The following MARCHF11 variants were observed in gnomAD, a reference collection of about 807,000 sequenced individuals.
The protein encoded by MARCHF11 is E3 ubiquitin-protein ligase MARCHF11.
A neutral mutation model predicts 37.3 loss-of-function variants in MARCHF11; 29 were observed. The ratio of observed to expected loss-of-function variants is 0.78; its 90% CI spans 0.58 to 1.06. The LOEUF is 1.06. Among genes scored for constraint, MARCHF11 ranks in the 50% least tolerant of loss-of-function variants. MARCHF11 has a pLI of 0.00. For missense variants in MARCHF11, 482 were observed against 533.4 expected (o/e 0.90, Z 0.95); for synonymous variants, 233 against 228.0 (o/e 1.02, Z -0.20).
intron 2 of MARCHF11, among the ~76,000 whole-genome samples, chr5:16,157,175 G>GA (rs146779064): frequency 0.031 from 4,624 of 149,966 alleles, 242 homozygotes; most frequent in African/African-American, 0.11. Flanking sequence ...GAAAACTACA[G>GA]ACATTGATAA....
intron 2 of MARCHF11, among the ~76,000 whole-genome samples, chr5:16,136,237 G>T (rs933438205): frequency 1.3e-5 from 2 of 151,782 alleles, no homozygotes; most frequent in South Asian, 4.1e-4. Context: ...TGTAATTCAA[G>T]AAAATGTTTG....
intron 3 of MARCHF11, among the ~76,000 whole-genome samples, chr5:16,085,243 G>T (rs1736675754): frequency 6.6e-6 from 1 of 151,980 alleles, no homozygotes; most frequent in African/African-American, 2.4e-5. Flanking sequence ...CCTAAAGTGT[G>T]CTGAAGAAGG....
At chr5:16,101,293 G>A (rs532722704) in intron 2 of MARCHF11, among the ~76,000 whole-genome samples, 8 of 152,158 alleles carry the variant, frequency 5.3e-5, no homozygotes, top group African/African-American at 1.7e-4. Context: ...GGAGAGTGGC[G>A]TGAACCCCGG....
At position 16,067,289 on chromosome 5, in the gene MARCHF11, A is replaced by T; in HGVS notation, c.*182T>A. The T allele has an allele frequency of 1.8e-6, 1 of 545,458 alleles. No homozygotes were observed. The allele number at this position is 545,458 out of a possible 1,614,324, so 33.8% of individuals were successfully genotyped here. On this transcript the variant is annotated 3_prime_UTR_variant, in exon 4 of 4. Coordinates refer to ENST00000332432, the MANE Select transcript of MARCHF11 (RefSeq NM_001102562.3). ...TATAAAAGATGTGACAAACCAGACA[A>T]CGAAGAACAAGAGGACTCTTTTTCT...
intron 1 of MARCHF11, among the ~76,000 whole-genome samples, chr5:16,178,520 A>G (rs1738402924): frequency 6.6e-6 from 1 of 152,226 alleles, no homozygotes; most frequent in Non-Finnish European, 1.5e-5. Flanking sequence ...TTGGCATAAT[A>G]GCCTTTCTTT....
At chr5:16,119,509 T>C (rs1305934241) in intron 2 of MARCHF11, among the ~76,000 whole-genome samples, 1 of 152,042 alleles carries the variant, frequency 6.6e-6, no homozygotes, top group African/African-American at 2.4e-5. Context: ...ATCTGGTACC[T>C]CCAGATGCCT....
chr5:16,123,864 G>T (rs895635663), intron 2 of MARCHF11, among the ~76,000 whole-genome samples: 11 of 152,018 alleles, frequency 7.2e-5, no homozygotes, highest in Non-Finnish European at 1.5e-5. Flanking sequence ...TAATTAATAG[G>T]TATAGAGACC....
At chr5:16,074,604 A>T in intron 3 of MARCHF11, among the ~76,000 whole-genome samples, 1 of 152,214 alleles carries the variant, frequency 6.6e-6, no homozygotes, top group East Asian at 1.9e-4. Context: ...TCACAGAACC[A>T]GGTTGAGAAT....
At chr5:16,109,462 G>A (rs868050413) in intron 2 of MARCHF11, among the ~76,000 whole-genome samples, 4 of 152,330 alleles carry the variant, frequency 2.6e-5, no homozygotes, top group African/African-American at 7.2e-5. Flanking sequence ...GTGGGTGAAC[G>A]CATGGAGCTG....
intron 2 of MARCHF11, among the ~76,000 whole-genome samples, chr5:16,121,141 C>A (rs1440340950): frequency 6.6e-6 from 1 of 152,174 alleles, no homozygotes. Flanking sequence ...ACACAGACAG[C>A]CAACATGTAT....
rs1365938417 is a variant in MARCHF11, at chr5:16,150,820, T to C, written c.693+26906A>G. Among the ~76,000 whole-genome samples, 9 of 152,044 alleles carry C rather than the reference T, an allele frequency of 5.9e-5. 1 individual carries two copies. The highest frequency in any genetic ancestry group is 3.2e-3 in the Middle Eastern group (1 of 316). On this transcript the variant is annotated intron_variant, in intron 2 of 3. Transcript: ENST00000332432. ...ATGAGCTTTTATTCTATAAGCTTCT[T>C]GAGTCCATAACTTATATTAATTCTG... is the stretch of plus-strand genomic sequence containing the variant.
intron 3 of MARCHF11, among the ~76,000 whole-genome samples, chr5:16,079,216 A>G (rs1403039600): frequency 6.6e-6 from 1 of 152,038 alleles, no homozygotes; most frequent in East Asian, 1.9e-4. Flanking sequence ...AACCATTCCA[A>G]TTCCAAGCTC....
At chr5:16,094,349 A>G (rs1014909663) in intron 2 of MARCHF11, among the ~76,000 whole-genome samples, 20 of 152,204 alleles carry the variant, frequency 1.3e-4, no homozygotes, top group African/African-American at 4.8e-4. Context: ...TAAAAGTAGA[A>G]AATAAGTCTC....
chr5:16,172,863 C>G (rs1029826978), intron 2 of MARCHF11, among the ~76,000 whole-genome samples: 1 of 152,180 alleles, frequency 6.6e-6, no homozygotes, highest in Non-Finnish European at 1.5e-5. Context: ...CTAAGAAGGA[C>G]AGCCAAATAA....
At chr5:16,130,207 T>G (rs1737491944) in intron 2 of MARCHF11, among the ~76,000 whole-genome samples, 1 of 151,814 alleles carries the variant, frequency 6.6e-6, no homozygotes, top group South Asian at 2.1e-4. Flanking sequence ...TAACAATTCA[T>G]AGTAACTCTT....
rs151014315 is a variant in MARCHF11, at chr5:16,106,505, T to C, written c.694-15424A>G. Among the ~76,000 whole-genome samples the C allele has an allele frequency of 6.1e-3, 934 of 152,288 alleles. 11 individuals carry two copies. Among genetic ancestry groups the C allele is most frequent in the Non-Finnish European group, 4.8e-3 (327 of 68,026 alleles). On this transcript the variant is annotated intron_variant, in intron 2 of 3. Coordinates refer to ENST00000332432, the MANE Select transcript of MARCHF11 (RefSeq NM_001102562.3). ...TGGTAGCATCAGAACACAAGACACATTGGGCCCATGCATGAAGCGTGGTTT... is the reference window on the plus strand; with the variant it reads ...TGGTAGCATCAGAACACAAGACACACTGGGCCCATGCATGAAGCGTGGTTT...
intron 2 of MARCHF11, among the ~76,000 whole-genome samples, chr5:16,145,746 A>AC (rs991911630): frequency 9.9e-5 from 15 of 152,034 alleles, no homozygotes. Context: ...TTTATGAAAA[A>AC]AAAATACAAA....
intron 2 of MARCHF11, among the ~76,000 whole-genome samples, chr5:16,112,140 C>A (rs1418479796): frequency 6.6e-6 from 1 of 152,162 alleles, no homozygotes; most frequent in African/African-American, 2.4e-5. Flanking sequence ...GGGGTGTGAG[C>A]CCCCACATGG....
chr5:16,159,173 A>G (rs1738031423), intron 2 of MARCHF11, among the ~76,000 whole-genome samples: 1 of 151,940 alleles, frequency 6.6e-6, no homozygotes. Flanking sequence ...AAATTTGATG[A>G]TCTATCTTGA....
Sources: allele counts gnomAD v4.1 joint callset (sites outside exome capture counted in the v4.1 genomes callset), GRCh38; gene constraint gnomAD v4.1.1; transcripts MANE v1.5; gene names NCBI Gene and HGNC (gene_info 2026-07-23, HGNC 2026-07-21).